The following KCNAB2 variants were observed in gnomAD, a reference collection of about 807,000 sequenced individuals.
KCNAB2 encodes the protein potassium voltage-gated channel subfamily A regulatory beta subunit 2.
In KCNAB2, 29 loss-of-function variants were observed where a neutral mutation model predicts 63.6. The observed-to-expected ratio is 0.46, with a 90% confidence interval of 0.34 to 0.62. The LOEUF (loss-of-function observed/expected upper bound fraction) is 0.62. KCNAB2 is among the 20% of genes least tolerant of loss of function. KCNAB2 has a pLI of 0.01. For synonymous variants in KCNAB2, 222 were observed against 224.2 expected (o/e 0.99, Z 0.09); for missense variants, 359 against 563.9 (o/e 0.64, Z 3.68).
At chr1:6,076,358 C>G (rs1663659736) in intron 4 of KCNAB2, among the ~76,000 whole-genome samples, 1 of 152,232 alleles carries the variant, frequency 6.6e-6, no homozygotes, top group Non-Finnish European at 1.5e-5. Context: ...ATGCTAGGAA[C>G]CCTAAAATGA....
chr1:6,085,558 C>T (rs1044566026), intron 6 of KCNAB2, among the ~76,000 whole-genome samples: 3 of 152,164 alleles, frequency 2.0e-5, no homozygotes, highest in African/African-American at 7.2e-5. Flanking sequence ...CCAAAAAGAG[C>T]TTGGCGTGAG....
upstream of KCNAB2, chr1:6,041,632 C>CG: frequency 1.7e-6 from 1 of 578,682 alleles, no homozygotes; most frequent in Non-Finnish European, 3.1e-6. Context: ...CCGTGGCCAC[C>CG]GGGTGGCGCT....
intron 1 of KCNAB2, among the ~76,000 whole-genome samples, chr1:6,048,383 G>C (rs767286505): frequency 5.9e-5 from 9 of 152,184 alleles, no homozygotes; most frequent in Non-Finnish European, 1.0e-4. Flanking sequence ...ATCTCATGCA[G>C]CCCACAGCAG....
intron 2 of KCNAB2, among the ~76,000 whole-genome samples, chr1:6,072,315 G>A (rs140076793): frequency 1.3e-3 from 204 of 152,334 alleles, no homozygotes; most frequent in African/African-American, 4.7e-3. Flanking sequence ...GAAGTGGGAC[G>A]ATCTCCTGCC....
chr1:6,072,876 C>T, intron 3 of KCNAB2, 78 bp downstream of exon 3: 3 of 1,430,002 alleles, frequency 2.1e-6, no homozygotes, highest in Non-Finnish European at 2.9e-6. Context: ...CTGGACACCC[C>T]TTGGGAGGCA....
rs142195969 is a variant in KCNAB2 at position 6,015,003 on chromosome 1, C to T, written c.-53+22215C>T. On this transcript the variant is annotated intron_variant, in intron 1 of 16. Coordinates refer to the KCNAB2 transcript ENST00000341524. The stretch of plus-strand genomic sequence containing the variant: ...ACTTTTGCCTTAATTTTATTACAGA[C>T]GGGGTCACCTTCCTTTTTTTTTTTT... 8.7e-4 allele frequency among the ~76,000 whole-genome samples: 118 copies of T among 136,416 alleles called. No homozygotes were observed. In the East Asian group the frequency reaches 0.012, roughly 14 times the overall value. The allele number at this position is 136,416 out of a possible 152,430, so 89.5% of individuals were successfully genotyped here.
intron 1 of KCNAB2, among the ~76,000 whole-genome samples, chr1:6,023,367 A>G (rs1238587341): frequency 3.3e-5 from 5 of 152,190 alleles, no homozygotes; most frequent in Admixed American, 1.3e-4. Context: ...TTTTCAAAGA[A>G]CCACCATACT....
rs140986013 is a variant in KCNAB2 at position 6,074,429 on chromosome 1, G to C, written c.300+659G>C. ...GCCCAGACATGTGTGCTTCTGGACA[G>C]TGAGGCAGCATCTCAGAAATGAGAG... is the stretch of plus-strand genomic sequence containing the variant. On this transcript the variant is annotated intron_variant, in intron 4 of 15. Transcript: ENST00000378083. The surrounding 1 kb of genome is among the most constrained non-coding windows in gnomAD (Gnocchi z 4.9). Among the ~76,000 whole-genome samples the C allele has an allele frequency of 5.9e-5, 9 of 152,368 alleles. No homozygotes were observed. The highest frequency in any genetic ancestry group is 1.9e-4 in the African/African-American group (8 of 41,580).
chr1:6,097,768 T>C, intron 15 of KCNAB2: 1 of 417,654 alleles, frequency 2.4e-6, no homozygotes, highest in Non-Finnish European at 4.2e-6. Flanking sequence ...GCAGGAAGAG[T>C]TGATGCAAAG....
chr1:6,007,788 A>C (rs1303215535), intron 1 of KCNAB2: 1 of 152,304 alleles, frequency 6.6e-6, no homozygotes, highest in Non-Finnish European at 1.5e-5. Context: ...TGGCCAAGAG[A>C]ACCTGGAACC....
intron 2 of KCNAB2, chr1:6,040,722 C>T (rs943972757): frequency 2.2e-6 from 2 of 915,792 alleles, no homozygotes; most frequent in Non-Finnish European, 3.5e-6. Flanking sequence ...AGGCCACTGT[C>T]CTCCCCTCTG....
rs1665655454 is a variant in KCNAB2 at position 6,096,553 on chromosome 1, T to G, written c.949-83T>G. Reference sequence around the variant, plus strand: ...ATGAGGGAGAAGGGTCCAGAAGGAATGAGCCCATCGGCCCCCTGCACGTGG... The same window carrying G: ...ATGAGGGAGAAGGGTCCAGAAGGAAGGAGCCCATCGGCCCCCTGCACGTGG... On this transcript the variant is annotated intron_variant, in intron 13 of 15. Transcript: ENST00000378083. The surrounding 1 kb of genome is among the most constrained non-coding windows in gnomAD (Gnocchi z 5.9). 3.3e-6 allele frequency: 5 copies of G among 1,497,576 alleles called. No homozygotes were observed. The highest frequency in any genetic ancestry group is 4.5e-6 in the Non-Finnish European group (5 of 1,113,358). The allele number at this position is 1,497,576 out of a possible 1,614,324, so 92.8% of individuals were successfully genotyped here.
At chr1:6,058,996 A>G (rs1298739173) in intron 2 of KCNAB2, among the ~76,000 whole-genome samples, 1 of 152,042 alleles carries the variant, frequency 6.6e-6, no homozygotes, top group East Asian at 1.9e-4. Context: ...CAGCCTCTCC[A>G]GCCCCAGCTT....
intron 2 of KCNAB2, among the ~76,000 whole-genome samples, chr1:6,063,068 C>T (rs2100601552): frequency 6.6e-6 from 1 of 151,870 alleles, no homozygotes; most frequent in Non-Finnish European, 1.5e-5. Flanking sequence ...TCACTGTCGC[C>T]CAGGCTAGAG....
chr1:6,041,775 ACT>A (rs896488830), upstream of KCNAB2: 7 of 1,484,082 alleles, frequency 4.7e-6, no homozygotes, highest in South Asian at 2.3e-5. Flanking sequence ...CCAACTGTGG[ACT>A]CTCTCTCTTC....
intron 1 of KCNAB2, among the ~76,000 whole-genome samples, chr1:6,009,348 A>G (rs148093121): frequency 6.6e-6 from 1 of 152,358 alleles, no homozygotes; most frequent in Non-Finnish European, 1.5e-5. Flanking sequence ...GCAGCAGACC[A>G]TAAGCAGGCT....
At chr1:6,072,639 C>G (rs1663303090) in intron 2 of KCNAB2, 116 bp from the exon 3 acceptor site, 2 of 1,185,286 alleles carry the variant, frequency 1.7e-6, no homozygotes, top group Middle Eastern at 2.0e-4. Flanking sequence ...TTCGGAGCCT[C>G]CAAACACACA....
chr1:6,096,708 C>G lies in KCNAB2; in HGVS notation c.1021C>G (p.Gln341Glu). ...RRQQAKLKELQAIAERLGCTL... is the reference protein window; with the variant it reads ...RRQQAKLKELEAIAERLGCTL... ...CCAGCAAGCCAAGCTGAAGGAGCTG[C>G]AGGCCATCGCCGAGCGCCTGGGCTG... is the stretch of plus-strand genomic sequence containing the variant. Residue 341 changes from glutamine to glutamate, a missense_variant, in exon 14 of 16, where the codon CAG (glutamine) becomes GAG (glutamate). Physicochemically the swap from Gln to Glu is conservative, Grantham distance 29. Around this residue, in one of 2 missense-constraint regions of KCNAB2, gnomAD observed 271 missense variants for 476.1 expected, o/e 0.57. Transcript: ENST00000378083. The surrounding 1 kb of genome is among the most constrained non-coding windows in gnomAD (Gnocchi z 5.9). 1 of 1,600,966 alleles carries G rather than the reference C, an allele frequency of 6.2e-7. No homozygotes were observed. Among genetic ancestry groups the G allele is most frequent in the East Asian group, 2.3e-5 (1 of 44,350 alleles).
chr1:6,096,362 T>G lies in KCNAB2; in HGVS notation c.949-274T>G. The G allele has an allele frequency of 1.9e-6, 1 of 531,172 alleles. No individual in the cohort carries two copies. 32.9% of individuals were successfully genotyped at this position (531,172 alleles called of 1,614,324 possible). On this transcript the variant is annotated intron_variant, in intron 13 of 15. Transcript: ENST00000378083. This position sits in a 1 kb window ranked among gnomAD's most constrained non-coding sequence, Gnocchi z 5.9. ...AGAGAAGGAAGGCCAGCACCTCGCC[T>G]CCTTGTCCTGACTTGGGGTTGGGCC... is the stretch of plus-strand genomic sequence containing the variant.
Sources: gnomAD v4.1 joint callset for allele counts (sites outside exome capture counted in the v4.1 genomes callset) on GRCh38, gnomAD v4.1.1 for gene constraint, gnomAD v4.1.1 regional missense constraint, Gnocchi (gnomAD v3.1) non-coding constraint, MANE v1.5 for transcripts, NCBI Gene and HGNC (gene_info 2026-07-23, HGNC 2026-07-21) for gene names.